BASP1: variants seen among roughly 807,000 people sequenced by gnomAD.
The protein encoded by BASP1 is brain abundant membrane attached signal protein 1.
In BASP1, 1 loss-of-function variant was observed where a neutral mutation model predicts 2.2. The ratio of observed to expected loss-of-function variants is 0.46; its 90% CI spans 0.16 to 2.17. The LOEUF (loss-of-function observed/expected upper bound fraction) is 2.17, where lower values mean the gene tolerates loss of function less well. BASP1 is among the 30% of genes most tolerant of loss of function. The pLI is 0.27. For synonymous variants in BASP1, 187 were observed against 154.2 expected, an observed-to-expected ratio of 1.21 and a Z score of -1.58; for missense variants, 352 against 327.2, an observed-to-expected ratio of 1.08 and a Z score of -0.58.
chr5:17,227,390 T>TATA (rs59187655), intron 1 of BASP1, among the ~76,000 whole-genome samples: 4,097 of 142,154 alleles, frequency 0.029, 180 homozygotes, highest in African/African-American at 0.098. Context: ...TGACTAATTT[T>TATA]TATATATATA....
At chr5:17,272,402 T>A in intron 1 of BASP1, among the ~76,000 whole-genome samples, 1 of 152,184 alleles carries the variant, frequency 6.6e-6, no homozygotes, top group East Asian at 1.9e-4. Flanking sequence ...TTGCTCATAG[T>A]ACAGCTCCAC....
At chr5:17,264,105 T>C (rs1740371432) in intron 1 of BASP1, among the ~76,000 whole-genome samples, 2 of 152,362 alleles carry the variant, frequency 1.3e-5, no homozygotes, top group African/African-American at 4.8e-5. Context: ...ATTACCTTTA[T>C]TTCATTTTCC....
At chr5:17,237,044 G>A (rs1739761622) in intron 1 of BASP1, among the ~76,000 whole-genome samples, 1 of 151,994 alleles carries the variant, frequency 6.6e-6, no homozygotes, top group Non-Finnish European at 1.5e-5. Context: ...TGGAGGTATT[G>A]TAAAGAAAGG....
intron 1 of BASP1, among the ~76,000 whole-genome samples, chr5:17,274,411 CAGAG>C (rs1465434255): frequency 6.6e-6 from 1 of 152,140 alleles, no homozygotes; most frequent in Non-Finnish European, 1.5e-5. Context: ...ACATATGTAG[CAGAG>C]AGAGTTTGTA....
intron 1 of BASP1, among the ~76,000 whole-genome samples, chr5:17,253,034 C>G (rs1409502931): frequency 6.6e-6 from 1 of 152,204 alleles, no homozygotes; most frequent in East Asian, 1.9e-4. Context: ...CCAGTATACT[C>G]ACCTCTCCTC....
intron 1 of BASP1, among the ~76,000 whole-genome samples, chr5:17,243,212 G>A (rs992379151): frequency 2.0e-5 from 3 of 151,542 alleles, no homozygotes; most frequent in Non-Finnish European, 4.4e-5. Context: ...GCAGGGCCGC[G>A]ATCTTGACTC....
chr5:17,218,037 C>T (rs955789336), intron 1 of BASP1, among the ~76,000 whole-genome samples: 2 of 151,396 alleles, frequency 1.3e-5, no homozygotes, highest in African/African-American at 2.4e-5. Context: ...GCTTCAGCCG[C>T]TCGCATGGTG....
intron 1 of BASP1, among the ~76,000 whole-genome samples, chr5:17,269,540 T>G (rs1369591856): frequency 6.6e-6 from 1 of 152,196 alleles, no homozygotes; most frequent in Non-Finnish European, 1.5e-5. Context: ...CACACTCTCT[T>G]CTCTCTTCAC....
At chr5:17,269,358 A>C (rs1740486969) in intron 1 of BASP1, among the ~76,000 whole-genome samples, 1 of 152,248 alleles carries the variant, frequency 6.6e-6, no homozygotes, top group African/African-American at 2.4e-5. Flanking sequence ...ATGGGTATGT[A>C]TTCCACGGAT....
chr5:17,247,655 A>T (rs1403588173), intron 1 of BASP1, among the ~76,000 whole-genome samples: 1 of 152,224 alleles, frequency 6.6e-6, no homozygotes, highest in Non-Finnish European at 1.5e-5. Flanking sequence ...CTGGCCCAGC[A>T]CTTAGGCCTG....
chr5:17,222,777 G>A (rs57038494), intron 1 of BASP1, among the ~76,000 whole-genome samples: 3,084 of 152,202 alleles, frequency 0.02, 127 homozygotes, highest in African/African-American at 0.071. Context: ...ACAAAAATAG[G>A]GAAAGCTGAG....
At chr5:17,237,342 T>A (rs925736382) in intron 1 of BASP1, among the ~76,000 whole-genome samples, 3 of 151,868 alleles carry the variant, frequency 2.0e-5, no homozygotes, top group African/African-American at 4.8e-5. Flanking sequence ...AGACTCCGTC[T>A]CAAAACAAAA....
chr5:17,240,843 T>G (rs1205741499), intron 1 of BASP1: 1 of 152,228 alleles, frequency 6.6e-6, no homozygotes, highest in Non-Finnish European at 1.5e-5. Flanking sequence ...AGGTATTTTG[T>G]TAGGGTACCT....
At chr5:17,238,890 T>C (rs1739801632) in intron 1 of BASP1, among the ~76,000 whole-genome samples, 1 of 152,204 alleles carries the variant, frequency 6.6e-6, no homozygotes, top group African/African-American at 2.4e-5. Flanking sequence ...CAGTAAATTT[T>C]AATATCTTTC....
rs1740485855 is a variant in BASP1 at position 17,269,271 on chromosome 5, CGAAA to C, written c.-9-5930_-9-5927del. 2.0e-5 allele frequency among the ~76,000 whole-genome samples: 3 copies of C among 152,254 alleles called. No individual in the cohort carries two copies. The South Asian group carries it at 6.2e-4, about 32-fold the overall frequency. On this transcript the variant is annotated intron_variant, in intron 1 of 1. Coordinates refer to ENST00000322611, the MANE Select transcript of BASP1 (RefSeq NM_006317.5). ...GGGAACATGATTTGCTGCCAATAAACGAAAGAAAGATTTGTGTCAGGACTGAGTG... is the reference window on the plus strand; with the variant it reads ...GGGAACATGATTTGCTGCCAATAAACGAAAGATTTGTGTCAGGACTGAGTG...
At chr5:17,259,439 A>G (rs1740273730) in intron 1 of BASP1, among the ~76,000 whole-genome samples, 1 of 152,186 alleles carries the variant, frequency 6.6e-6, no homozygotes, top group Admixed American at 6.5e-5. Flanking sequence ...TTCTTTTATT[A>G]ATTTGGCAAA....
intron 1 of BASP1, among the ~76,000 whole-genome samples, chr5:17,255,786 A>G (rs1561173161): frequency 6.6e-6 from 1 of 152,170 alleles, no homozygotes; most frequent in South Asian, 2.1e-4. Context: ...CAAGTTGACA[A>G]TGTTTGCATT....
At position 17,259,294 on chromosome 5, in the gene BASP1, C is replaced by A. The variant is rs576252880; in HGVS notation, c.-9-15914C>A. On this transcript the variant is annotated intron_variant, in intron 1 of 1. Transcript: ENST00000322611. ...AAAAACAGTGCAGGAAAGACCTGCC[C>A]CCATAATTTAATCACCTCCCACGGG... 9.9e-5 allele frequency among the ~76,000 whole-genome samples: 15 copies of A among 152,224 alleles called. No individual in the cohort carries two copies. In the South Asian group the frequency reaches 1.2e-3, roughly 13 times the overall value.
intron 1 of BASP1, among the ~76,000 whole-genome samples, chr5:17,248,852 A>G (rs924185137): frequency 2.6e-5 from 4 of 152,156 alleles, no homozygotes; most frequent in African/African-American, 9.7e-5. Flanking sequence ...TGGTGCGCCT[A>G]TTCTAGGTCT....
Sources: gnomAD v4.1 joint callset for allele counts (sites outside exome capture counted in the v4.1 genomes callset) on GRCh38, gnomAD v4.1.1 for gene constraint, MANE v1.5 for transcripts, NCBI Gene and HGNC (gene_info 2026-07-23, HGNC 2026-07-21) for gene names.